Variants in PXDN observed in about 807,000 individuals in gnomAD.
The protein encoded by PXDN is peroxidasin homolog.
A neutral mutation model predicts 140.3 loss-of-function variants in PXDN; 77 were observed. The observed-to-expected ratio is 0.55, with a 90% confidence interval of 0.46 to 0.66. PXDN has a LOEUF of 0.66. Among genes scored for constraint, PXDN ranks in the 30% least tolerant of loss-of-function variants. The probability of loss-of-function intolerance (pLI) is 0.00; values close to 1 mark genes in which losing one functional copy is unlikely to be tolerated. For synonymous variants in PXDN, 911 were observed against 857.4 expected (o/e 1.06, Z -1.09); for missense variants, 1,838 against 2,039.5 (o/e 0.90, Z 1.90).
chr2:1,644,845 C>G, intron 17 of PXDN, 93 bp from the exon 18 acceptor site: 1 of 1,242,366 alleles, frequency 8.0e-7, no homozygotes, highest in Non-Finnish European at 1.0e-6. Context: ...CTTTCTATCA[C>G]TATTTTACAT....
chr2:1,635,341 G>T, intron 22 of PXDN, 67 bp downstream of exon 22: 1 of 1,373,050 alleles, frequency 7.3e-7, no homozygotes, highest in Non-Finnish European at 1.0e-6. Context: ...ACCCACCTGA[G>T]TGGTCACATG....
intron 22 of PXDN, among the ~76,000 whole-genome samples, chr2:1,634,989 C>T (rs1387010764): frequency 2.7e-5 from 4 of 150,398 alleles, no homozygotes; most frequent in African/African-American, 1.0e-4. Flanking sequence ...ACCCCCAGCT[C>T]TGACTGGAGA....
intron 3 of PXDN, among the ~76,000 whole-genome samples, chr2:1,690,532 G>A (rs1037837101): frequency 1.3e-4 from 20 of 150,358 alleles, no homozygotes; most frequent in African/African-American, 4.7e-4. Flanking sequence ...TAAAAAACCT[G>A]TTAAACCTAT....
chr2:1,655,660 G>C (rs1683115336), intron 14 of PXDN, among the ~76,000 whole-genome samples: 1 of 150,106 alleles, frequency 6.7e-6, no homozygotes, highest in Admixed American at 6.6e-5. Flanking sequence ...TCTCCTGACA[G>C]GAATCTGCCC....
intron 1 of PXDN, among the ~76,000 whole-genome samples, chr2:1,723,972 T>A (rs182096014): frequency 6.6e-6 from 1 of 152,248 alleles, no homozygotes; most frequent in Non-Finnish European, 1.5e-5. Flanking sequence ...AAATATTTGC[T>A]TCATGCCAGG....
chr2:1,642,229 A>G (rs922956113), intron 19 of PXDN, among the ~76,000 whole-genome samples: 1 of 152,042 alleles, frequency 6.6e-6, no homozygotes, highest in Non-Finnish European at 1.5e-5. Flanking sequence ...CCCCACAGGT[A>G]CACACACTCC....
chr2:1,635,652 G>T, intron 21 of PXDN, 131 bp from the exon 22 acceptor site: 1 of 777,140 alleles, frequency 1.3e-6, no homozygotes, highest in Admixed American at 2.0e-5. Context: ...TATTTCTGAA[G>T]AACTTTTACA....
intron 19 of PXDN, among the ~76,000 whole-genome samples, chr2:1,640,720 C>T (rs769231101): frequency 5.3e-5 from 8 of 152,218 alleles, no homozygotes; most frequent in African/African-American, 1.9e-4. Flanking sequence ...CCCAGACTAC[C>T]GCAGCCCCTC....
chr2:1,701,896 T>G (rs1684443570), intron 1 of PXDN, among the ~76,000 whole-genome samples: 1 of 152,122 alleles, frequency 6.6e-6, no homozygotes, highest in South Asian at 2.1e-4. Flanking sequence ...AGAAGGTCCC[T>G]TCTCTGAACC....
intron 9 of PXDN, among the ~76,000 whole-genome samples, chr2:1,668,967 A>G (rs1038431577): frequency 1.3e-5 from 2 of 152,258 alleles, no homozygotes; most frequent in African/African-American, 2.4e-5. Context: ...CCAAAGGATT[A>G]TAAGTCATAC....
chr2:1,682,747 C>A (rs1223331785), intron 6 of PXDN, among the ~76,000 whole-genome samples: 2 of 152,190 alleles, frequency 1.3e-5, no homozygotes, highest in Non-Finnish European at 2.9e-5. Flanking sequence ...CAAGACCAGC[C>A]TGGCCAACAT....
At chr2:1,697,169 G>A (rs1365981075) in intron 1 of PXDN, among the ~76,000 whole-genome samples, 2 of 152,128 alleles carry the variant, frequency 1.3e-5, no homozygotes, top group Non-Finnish European at 2.9e-5. Context: ...TCTAAGCAAG[G>A]TAAAGTTTGG....
chr2:1,693,983 T>C (rs771189115), intron 1 of PXDN, among the ~76,000 whole-genome samples: 8 of 152,208 alleles, frequency 5.3e-5, no homozygotes, highest in Non-Finnish European at 1.2e-4. Context: ...TGCAGAGGCG[T>C]CGGCTCTACC....
At chr2:1,682,031 T>C (rs1248414706) in intron 6 of PXDN, among the ~76,000 whole-genome samples, 2 of 152,210 alleles carry the variant, frequency 1.3e-5, no homozygotes, top group African/African-American at 2.4e-5. Flanking sequence ...CAGCGTGTTC[T>C]CTTGATGCAG....
At position 1,670,875 on chromosome 2, in the gene PXDN, A is replaced by G. The variant is rs145756090; in HGVS notation, c.1018+2768T>C. Among the ~76,000 whole-genome samples the G allele has an allele frequency of 1.5e-3, 229 of 152,364 alleles. 2 individuals carry two copies. Among genetic ancestry groups the G allele is most frequent in the African/African-American group, 4.3e-3 (180 of 41,576 alleles). ...CTGCCCCACCCAGGGAACAGTGCCC[A>G]GTAGAAGAGAGAAATAAATCTCATT... On this transcript the variant is annotated intron_variant, in intron 9 of 22. Transcript: ENST00000252804.
Position 1,666,485 on chromosome 2 carries a change from A to G in PXDN, c.1020T>C (p.Ala340=). ...GTGGCTGGATTACAAAAGTGGGTCG[A>G]GCTGTCACAATTAAACAGAAATTCT... ...EVTLRYFGSP[A]RPTFVIQPQN... is the part of the protein sequence containing the mutation. The change falls in exon 10 of 23, where the codon GCT becomes GCC. Residue 340 remains alanine (A), a splice_region_variant and synonymous_variant. Transcript: ENST00000252804. The G allele has an allele frequency of 6.3e-7, 1 of 1,589,256 alleles. No homozygotes were observed. The highest frequency in any genetic ancestry group is 8.6e-7 in the Non-Finnish European group (1 of 1,160,640).
chr2:1,652,572 C>G (rs1465675606), intron 16 of PXDN, among the ~76,000 whole-genome samples: 2 of 152,032 alleles, frequency 1.3e-5, no homozygotes, highest in Non-Finnish European at 2.9e-5. Flanking sequence ...GTCTCCAACT[C>G]CAACATTTCC....
chr2:1,707,476 T>A (rs542888540), intron 1 of PXDN, among the ~76,000 whole-genome samples: 1 of 152,360 alleles, frequency 6.6e-6, no homozygotes, highest in Admixed American at 6.5e-5. Context: ...CTTCTGAACA[T>A]CAAACTGTCA....
intron 6 of PXDN, among the ~76,000 whole-genome samples, chr2:1,682,845 C>A (rs967611662): frequency 4.6e-5 from 7 of 151,968 alleles, no homozygotes; most frequent in African/African-American, 1.5e-4. Flanking sequence ...GAGGCTGAGG[C>A]ACGAGAATTG....
Sources: gnomAD v4.1 joint callset for allele counts (sites outside exome capture counted in the v4.1 genomes callset) on GRCh38, gnomAD v4.1.1 for gene constraint, MANE v1.5 for transcripts, NCBI Gene and HGNC (gene_info 2026-07-23, HGNC 2026-07-21) for gene names.